Variants in ZNF516 observed in about 807,000 individuals in gnomAD.
ZNF516 encodes the protein zinc finger protein 516.
Under a neutral mutation model 79.7 loss-of-function variants are expected in ZNF516, and 19 were observed. The observed-to-expected ratio is 0.24, with a 90% CI of 0.17 to 0.35. ZNF516 has a LOEUF of 0.35. Among genes scored for constraint, ZNF516 ranks in the 10% least tolerant of loss-of-function variants. ZNF516 has a pLI of 1.00. For missense variants in ZNF516, 1,678 were observed against 1,679.5 expected (o/e 1.00, Z 0.02); for synonymous variants, 877 against 739.5 (o/e 1.19, Z -3.02).
intron 2 of ZNF516, among the ~76,000 whole-genome samples, chr18:76,450,267 C>A (rs539187716): frequency 6.6e-6 from 1 of 151,450 alleles, no homozygotes; most frequent in Non-Finnish European, 1.5e-5. Context: ...ATAAATCCTA[C>A]TTGCCACTCC....
At position 76,441,386 on chromosome 18, in the gene ZNF516, C is replaced by T. The variant is rs1163783206; in HGVS notation, c.1669G>A (p.Gly557Arg). Residue 557 changes from glycine to arginine, a missense_variant, in exon 3 of 7, where the codon GGA becomes AGA. By Grantham distance (125) the Gly-to-Arg change is moderately radical (BLOSUM62 -2). This residue lies in a region of ZNF516 where 1,294 missense variants were observed against 1,248.3 expected (regional missense o/e 1.04). Coordinates refer to ENST00000443185, the MANE Select transcript of ZNF516 (RefSeq NM_014643.4). ...DGDRAARARC[G>R]SLSEGDSASQ... ...GCCGAGTCACCCTCACTGAGTGATCCGCAGCGGGCCCGCGCCGCCCTGTCC... is the reference window on the plus strand; with the variant it reads ...GCCGAGTCACCCTCACTGAGTGATCTGCAGCGGGCCCGCGCCGCCCTGTCC... 1.2e-6 allele frequency: 2 copies of T among 1,609,984 alleles called. No individual in the cohort carries two copies. The highest frequency in any genetic ancestry group is 1.7e-6 in the Non-Finnish European group (2 of 1,178,860).
At chr18:76,466,816 C>G (rs1475505041) in intron 1 of ZNF516, among the ~76,000 whole-genome samples, 1 of 152,208 alleles carries the variant, frequency 6.6e-6, no homozygotes. Context: ...GCTGATGCAA[C>G]AGGAGACAGG....
At chr18:76,381,996 G>C (rs1337205983) in intron 3 of ZNF516, among the ~76,000 whole-genome samples, 1 of 152,170 alleles carries the variant, frequency 6.6e-6, no homozygotes. Flanking sequence ...GCCAGGTGTA[G>C]TGGCACGCGC....
intron 2 of ZNF516, among the ~76,000 whole-genome samples, chr18:76,448,505 A>G (rs532297068): frequency 3.9e-5 from 6 of 152,344 alleles, no homozygotes; most frequent in East Asian, 1.9e-4. Context: ...CCCCACTGAC[A>G]CTACAGAAAC....
Position 76,448,937 on chromosome 18 carries a change from G to A in ZNF516, c.-157-5726C>T, listed in dbSNP as rs552731793. On this transcript the variant is annotated intron_variant, in intron 2 of 6. Coordinates refer to ENST00000443185, the MANE Select transcript of ZNF516 (RefSeq NM_014643.4). ...GCGATTCACTATATTTGCAAGGATT[G>A]GCCAGGTTTTCCCCTGGGAACCTGA... is the stretch of plus-strand genomic sequence containing the variant. Among the ~76,000 whole-genome samples the A allele has an allele frequency of 2.6e-3, 402 of 152,274 alleles. 5 individuals carry two copies. Among genetic ancestry groups the A allele is most frequent in the Middle Eastern group, 3.4e-3 (1 of 292 alleles).
intron 3 of ZNF516, chr18:76,387,688 C>G (rs2075014144): frequency 6.6e-6 from 1 of 152,194 alleles, no homozygotes; most frequent in South Asian, 2.1e-4. Flanking sequence ...GGAAGGAGAA[C>G]ACGGCTGGCT....
intron 3 of ZNF516, among the ~76,000 whole-genome samples, chr18:76,406,437 G>A (rs913825069): frequency 6.6e-6 from 1 of 152,108 alleles, no homozygotes; most frequent in Non-Finnish European, 1.5e-5. Flanking sequence ...GGTGGTGCAC[G>A]CCTGTAATCC....
chr18:76,443,310 A>G (rs965076570), intron 2 of ZNF516, 99 bp from the exon 3 acceptor site: 2 of 483,364 alleles, frequency 4.1e-6, no homozygotes, highest in Admixed American at 8.1e-5. Context: ...ATACCCATCC[A>G]ACCCACATTA....
chr18:76,362,391 C>G lies in ZNF516; in HGVS notation c.*107G>C. 1 of 1,110,312 alleles carries G rather than the reference C, an allele frequency of 9.0e-7. No homozygotes were observed. Among genetic ancestry groups the G allele is most frequent in the South Asian group, 1.5e-5 (1 of 68,850 alleles). 68.8% of individuals were successfully genotyped at this position (1,110,312 alleles called of 1,614,324 possible). A position where few individuals can be genotyped will look rare whatever the true frequency, so the allele number is the denominator to read the frequency against. ...AGGTGTCTGCTCAGGAGTTCCCCGG[C>G]TGTTCTTCCATGGAGCGGCCAGGTC... On this transcript the variant is annotated 3_prime_UTR_variant, in exon 7 of 7. Coordinates refer to ENST00000443185, the MANE Select transcript of ZNF516 (RefSeq NM_014643.4).
intron 3 of ZNF516, among the ~76,000 whole-genome samples, chr18:76,434,321 G>A (rs1415719412): frequency 1.3e-5 from 2 of 152,164 alleles, no homozygotes; most frequent in Non-Finnish European, 2.9e-5. Flanking sequence ...CACCCAACAG[G>A]TTCGGGGCTG....
At chr18:76,432,619 T>C (rs12963977) in intron 3 of ZNF516, among the ~76,000 whole-genome samples, 3,215 of 152,312 alleles carry the variant, frequency 0.021, 61 homozygotes, top group Non-Finnish European at 0.03. Flanking sequence ...CCCCACTCTC[T>C]GGGCCCCAGC....
intron 2 of ZNF516, among the ~76,000 whole-genome samples, chr18:76,458,637 A>ATGCCTCACCGTCGTGCGTGTGCG (rs1298721747): frequency 2.9e-5 from 4 of 138,664 alleles, no homozygotes; most frequent in African/African-American, 5.4e-5. Context: ...GTGCGTGTGC[A>ATGCCTCACCGTCGTGCGTGTGCG]TGCCTCACCG....
At chr18:76,473,576 C>T (rs544296828) in intron 1 of ZNF516, among the ~76,000 whole-genome samples, 41 of 152,018 alleles carry the variant, frequency 2.7e-4, no homozygotes, top group African/African-American at 6.7e-4. Context: ...CCAAGGTGGG[C>T]GGATCACGAG....
rs894287705 is a variant in ZNF516, at chr18:76,451,335, G to A, written c.-157-8124C>T. Among the ~76,000 whole-genome samples the A allele has an allele frequency of 3.9e-5, 6 of 152,314 alleles. No homozygotes were observed. The highest frequency in any genetic ancestry group is 3.9e-4 in the East Asian group (2 of 5,188). On this transcript the variant is annotated intron_variant, in intron 2 of 6. Transcript: ENST00000443185. The surrounding 1 kb of genome is among the most constrained non-coding windows in gnomAD (Gnocchi z 6.0). ...GCGGGGGGGGCACCGATGTCAGCCC[G>A]GGATGGATGTCCGCGGGTGCAGGGG...
In ZNF516 at chr18:76,451,009, C is replaced by T. The variant is rs1348808042; in HGVS notation, c.-157-7798G>A. Among the ~76,000 whole-genome samples, 1 of 152,164 alleles carries T rather than the reference C, an allele frequency of 6.6e-6. No individual in the cohort carries two copies. Among genetic ancestry groups the T allele is most frequent in the African/African-American group, 2.4e-5 (1 of 41,430 alleles). ...TATTTAGAGTCATTTCCTCAACAAT[C>T]GAACGCTTAAAGTTGCGGAAACCAA... On this transcript the variant is annotated intron_variant, in intron 2 of 6. Transcript: ENST00000443185. The surrounding 1 kb of genome is among the most constrained non-coding windows in gnomAD (Gnocchi z 6.0).
In ZNF516 at chr18:76,493,580, A is replaced by C. The variant is rs1297929045; in HGVS notation, c.-272+1564T>G. ...TAAACGATCATGTTAACAGATGTTA[A>C]TCTTGTAATCTGTTTTTCCTGTAAG... On this transcript the variant is annotated intron_variant, in intron 1 of 6. Coordinates refer to ENST00000443185, the MANE Select transcript of ZNF516 (RefSeq NM_014643.4). The surrounding 1 kb of genome is among the most constrained non-coding windows in gnomAD (Gnocchi z 5.2). 2 of 152,206 alleles carry C rather than the reference A, an allele frequency of 1.3e-5. No individual in the cohort carries two copies. The highest frequency in any genetic ancestry group is 2.9e-5 in the Non-Finnish European group (2 of 68,032). 9.4% of individuals were successfully genotyped at this position (152,206 alleles called of 1,614,324 possible). A position where few individuals can be genotyped will look rare whatever the true frequency, so the allele number is the denominator to read the frequency against.
At chr18:76,385,264 T>G (rs2074968521) in intron 3 of ZNF516, among the ~76,000 whole-genome samples, 1 of 152,232 alleles carries the variant, frequency 6.6e-6, no homozygotes, top group Non-Finnish European at 1.5e-5. Flanking sequence ...GTGACTTCAC[T>G]GCGTCCCAAG....
intron 1 of ZNF516, chr18:76,492,113 G>T (rs1915264123): frequency 1.0e-6 from 1 of 969,444 alleles, no homozygotes; most frequent in African/African-American, 1.8e-5. Context: ...GGTCTCCGGG[G>T]AGGTAGTGGG....
At chr18:76,472,521 T>A (rs1913907652) in intron 1 of ZNF516, among the ~76,000 whole-genome samples, 1 of 152,268 alleles carries the variant, frequency 6.6e-6, no homozygotes, top group Non-Finnish European at 1.5e-5. Flanking sequence ...TTGCGACACG[T>A]GCGCTCACAC....
Sources: gnomAD v4.1 joint callset for allele counts (sites outside exome capture counted in the v4.1 genomes callset) on GRCh38, gnomAD v4.1.1 for gene constraint, gnomAD v4.1.1 regional missense constraint, Gnocchi (gnomAD v3.1) non-coding constraint, MANE v1.5 for transcripts, NCBI Gene and HGNC (gene_info 2026-07-23, HGNC 2026-07-21) for gene names.